The following UNC13C variants were observed in gnomAD, a reference collection of about 807,000 sequenced individuals.
UNC13C encodes protein unc-13 homolog C.
Under a neutral mutation model 245.4 loss-of-function variants are expected in UNC13C, and 174 were observed. The ratio of observed to expected loss-of-function variants is 0.71; its 90% confidence interval spans 0.63 to 0.80. The LOEUF (loss-of-function observed/expected upper bound fraction) is 0.80. Among genes scored for constraint, UNC13C ranks in the 30% least tolerant of loss-of-function variants. The pLI is 0.00. For missense variants in UNC13C, 2,829 were observed against 2,602.9 expected, an observed-to-expected ratio of 1.09 and a Z score of -1.89; for synonymous variants, 992 against 895.1, an observed-to-expected ratio of 1.11 and a Z score of -1.93.
At chr15:54,301,345 T>C (rs893512389) in intron 13 of UNC13C, among the ~76,000 whole-genome samples, 1 of 151,722 alleles carries the variant, frequency 6.6e-6, no homozygotes, top group Admixed American at 6.6e-5. Flanking sequence ...ATGTGCATGT[T>C]TGTTACGTAG....
At chr15:54,399,644 T>G (rs2040141713) in intron 18 of UNC13C, among the ~76,000 whole-genome samples, 1 of 151,746 alleles carries the variant, frequency 6.6e-6, no homozygotes, top group South Asian at 2.1e-4. Flanking sequence ...CTCAATGTAT[T>G]GAGTAGAAAA....
intron 30 of UNC13C, among the ~76,000 whole-genome samples, chr15:54,584,509 C>T (rs1481162149): frequency 6.6e-6 from 1 of 152,118 alleles, no homozygotes; most frequent in African/African-American, 2.4e-5. Flanking sequence ...CCATGTCCTA[C>T]ATTGTTAAAG....
intron 18 of UNC13C, among the ~76,000 whole-genome samples, chr15:54,405,708 A>C (rs2040277620): frequency 6.6e-6 from 1 of 152,204 alleles, no homozygotes; most frequent in South Asian, 2.1e-4. Flanking sequence ...TGAAAAATGG[A>C]GTGTTTCTCC....
At chr15:54,143,515 T>C (rs2032119325) in intron 3 of UNC13C, 105 bp from the exon 4 acceptor site, 2 of 773,090 alleles carry the variant, frequency 2.6e-6, no homozygotes, top group African/African-American at 3.4e-5. Flanking sequence ...TCATACTAGG[T>C]GTTACGTGTG....
intron 2 of UNC13C, among the ~76,000 whole-genome samples, chr15:54,025,863 G>A (rs1044214440): frequency 3.3e-5 from 5 of 152,236 alleles, no homozygotes; most frequent in South Asian, 2.1e-4. Flanking sequence ...ATTGTTGACC[G>A]CATATAATCA....
chr15:53,874,108 T>C, the UNC13C span, among the ~76,000 whole-genome samples: 1 of 152,088 alleles, frequency 6.6e-6, no homozygotes, highest in Non-Finnish European at 1.5e-5. Flanking sequence ...ACTGAGTAGC[T>C]GGGACTATGG....
intron 26 of UNC13C, among the ~76,000 whole-genome samples, chr15:54,541,807 G>C (rs1488589617): frequency 6.6e-6 from 1 of 152,038 alleles, no homozygotes; most frequent in Non-Finnish European, 1.5e-5. Context: ...GAATTTGTAA[G>C]GAATACCTTA....
chr15:54,172,418 C>T (rs1201761694), intron 4 of UNC13C, among the ~76,000 whole-genome samples: 4 of 151,492 alleles, frequency 2.6e-5, no homozygotes, highest in Non-Finnish European at 5.9e-5. Flanking sequence ...ATTGCCTGTT[C>T]TTGAATTTTA....
rs371499288 is a variant in UNC13C, at chr15:54,418,648, T to G, written c.4933+3581T>G. ...AATAAGGAAATAAACACATTATAAT[T>G]AAAAACTGGGAGGGTTGGGGGCTTG... On this transcript the variant is annotated intron_variant, in intron 19 of 32. Transcript: ENST00000260323. Among the ~76,000 whole-genome samples, 59 of 152,150 alleles carry G rather than the reference T, an allele frequency of 3.9e-4. 1 individual carries two copies. Among genetic ancestry groups the G allele is most frequent in the African/African-American group, 1.3e-3 (52 of 41,528 alleles).
At chr15:54,331,083 C>G (rs988522909) in intron 14 of UNC13C, among the ~76,000 whole-genome samples, 1 of 151,890 alleles carries the variant, frequency 6.6e-6, no homozygotes, top group Non-Finnish European at 1.5e-5. Flanking sequence ...AGTTATATAC[C>G]CCATAAATCC....
chr15:54,295,965 T>G lies in UNC13C; in HGVS notation c.3989-1846T>G, dbSNP rs1390506509. ...TCTATCCAAACAAATAACCTATTTC[T>G]ATTCTTGATACAACCCTCCTTATCA... On this transcript the variant is annotated intron_variant, in intron 11 of 32. Transcript: ENST00000260323. Among the ~76,000 whole-genome samples, 3 of 152,300 alleles carry G rather than the reference T, an allele frequency of 2.0e-5. No homozygotes were observed. In the East Asian group the frequency reaches 5.8e-4, roughly 29 times the overall value.
chr15:54,121,083 A>G (rs145915682), intron 2 of UNC13C, among the ~76,000 whole-genome samples: 45 of 152,296 alleles, frequency 3.0e-4, no homozygotes, highest in African/African-American at 1.1e-3. Context: ...GATGGAGTCC[A>G]ATTTTGAAAG....
At chr15:54,285,293 T>A (rs2037114809) in intron 10 of UNC13C, among the ~76,000 whole-genome samples, 1 of 152,110 alleles carries the variant, frequency 6.6e-6, no homozygotes, top group Non-Finnish European at 1.5e-5. Flanking sequence ...ATAACTAAAT[T>A]GCTCCTGTTA....
chr15:54,042,057 A>G (rs1017274492), intron 2 of UNC13C, among the ~76,000 whole-genome samples: 2 of 152,194 alleles, frequency 1.3e-5, no homozygotes, highest in Non-Finnish European at 2.9e-5. Flanking sequence ...GTGAGCACCA[A>G]CAAGATGCTG....
At chr15:54,402,109 G>A (rs889571780) in intron 18 of UNC13C, among the ~76,000 whole-genome samples, 1 of 151,556 alleles carries the variant, frequency 6.6e-6, no homozygotes, top group African/African-American at 2.4e-5. Context: ...TTAGGATCTA[G>A]GTGAACGGTT....
At chr15:54,050,827 T>G (rs992865818) in intron 2 of UNC13C, 11 of 585,158 alleles carry the variant, frequency 1.9e-5, no homozygotes, top group African/African-American at 5.6e-5. Context: ...CTACACAGCT[T>G]ACTAATTCTT....
intron 24 of UNC13C, 59 bp downstream of exon 24, chr15:54,511,889 A>G (rs1894763452): frequency 3.3e-6 from 4 of 1,211,114 alleles, no homozygotes; most frequent in African/African-American, 3.0e-5. Context: ...TTAGCAGCAT[A>G]TCTCTTGCTA....
At chr15:54,619,967 A>G (rs1900691917) in intron 30 of UNC13C, among the ~76,000 whole-genome samples, 1 of 152,206 alleles carries the variant, frequency 6.6e-6, no homozygotes, top group Non-Finnish European at 1.5e-5. Flanking sequence ...AAGCAATAAC[A>G]GCAATGATAA....
At chr15:54,322,127 T>C (rs2038178252) in intron 14 of UNC13C, 32 bp downstream of exon 14, 2 of 1,519,010 alleles carry the variant, frequency 1.3e-6, no homozygotes, top group South Asian at 2.6e-5. Flanking sequence ...TTAAAATTCC[T>C]AGCAGCTTAT....
Sources: gnomAD v4.1 joint callset for allele counts (sites outside exome capture counted in the v4.1 genomes callset) on GRCh38, gnomAD v4.1.1 for gene constraint, MANE v1.5 for transcripts, NCBI Gene and HGNC (gene_info 2026-07-23, HGNC 2026-07-21) for gene names.